The following IGSF21 variants were observed in gnomAD, a reference collection of about 807,000 sequenced individuals.
The protein encoded by IGSF21 is immunoglobulin superfamily member 21.
IGSF21 carries 28 observed loss-of-function variants against 46.8 expected under a neutral mutation model. The ratio of observed to expected loss-of-function variants is 0.60; its 90% confidence interval spans 0.44 to 0.82. The LOEUF is 0.82. Ranked by LOEUF, IGSF21 falls within the 40% of genes least tolerant of loss-of-function variation. The pLI, the probability that IGSF21 is intolerant of heterozygous loss-of-function variation, is 0.00. For synonymous variants in IGSF21, 284 were observed against 273.6 expected (o/e 1.04, Z -0.38); for missense variants, 624 against 665.5 (o/e 0.94, Z 0.69).
chr1:18,164,002 G>T (rs1234907450), intron 1 of IGSF21, among the ~76,000 whole-genome samples: 1 of 152,212 alleles, frequency 6.6e-6, no homozygotes, highest in Non-Finnish European at 1.5e-5. Context: ...GGACCACAAT[G>T]AACGTGAAAA....
intron 6 of IGSF21, among the ~76,000 whole-genome samples, chr1:18,366,222 CAG>C (rs955693529): frequency 2.0e-5 from 3 of 152,088 alleles, no homozygotes; most frequent in African/African-American, 7.2e-5. Flanking sequence ...GTGTTAAAAA[CAG>C]GGGAGGTTTT....
chr1:18,192,895 A>G (rs796975352), intron 1 of IGSF21, among the ~76,000 whole-genome samples: 5 of 152,226 alleles, frequency 3.3e-5, no homozygotes, highest in African/African-American at 1.2e-4. Flanking sequence ...CGTTTATTCG[A>G]CACATATTAA....
At chr1:18,361,172 T>A (rs954484446) in intron 4 of IGSF21, among the ~76,000 whole-genome samples, 5 of 151,972 alleles carry the variant, frequency 3.3e-5, no homozygotes, top group Non-Finnish European at 5.9e-5. Flanking sequence ...CAGCTGAAAT[T>A]CCCACTCTGT....
At chr1:18,156,070 G>A (rs966503460) in intron 1 of IGSF21, among the ~76,000 whole-genome samples, 1 of 152,200 alleles carries the variant, frequency 6.6e-6, no homozygotes, top group South Asian at 2.1e-4. Flanking sequence ...GTGGGCCAGG[G>A]CACCTCTCAC....
chr1:18,371,891 CA>C (rs1474424264), intron 6 of IGSF21, among the ~76,000 whole-genome samples: 1 of 152,212 alleles, frequency 6.6e-6, no homozygotes, highest in East Asian at 1.9e-4. Context: ...GAATCGCCCA[CA>C]AGGTAGGAAT....
intron 4 of IGSF21, among the ~76,000 whole-genome samples, chr1:18,353,134 T>C (rs1228320396): frequency 2.6e-5 from 4 of 152,008 alleles, no homozygotes; most frequent in African/African-American, 9.7e-5. Context: ...TTTGGGGGCT[T>C]TTTGTTGTTG....
At chr1:18,329,786 A>G (rs1335696308) in intron 3 of IGSF21, among the ~76,000 whole-genome samples, 1 of 152,232 alleles carries the variant, frequency 6.6e-6, no homozygotes, top group African/African-American at 2.4e-5. Flanking sequence ...AGTTTAGGGC[A>G]TGGCATACTT....
At chr1:18,218,101 G>C (rs2084470826) in intron 1 of IGSF21, among the ~76,000 whole-genome samples, 1 of 152,178 alleles carries the variant, frequency 6.6e-6, no homozygotes, top group East Asian at 1.9e-4. Context: ...AATTTATAAA[G>C]AAAAGAGGTT....
intron 2 of IGSF21, among the ~76,000 whole-genome samples, chr1:18,278,659 T>G (rs1046715315): frequency 2.6e-5 from 4 of 152,090 alleles, no homozygotes; most frequent in East Asian, 3.9e-4. Flanking sequence ...GCTCAGGAAA[T>G]CCTTCCACTG....
chr1:18,256,123 G>A (rs148559214), intron 2 of IGSF21, among the ~76,000 whole-genome samples: 11 of 152,142 alleles, frequency 7.2e-5, no homozygotes, highest in Non-Finnish European at 7.4e-5. Context: ...ATGCAATGGG[G>A]CTTCTTTCTA....
intron 2 of IGSF21, among the ~76,000 whole-genome samples, chr1:18,270,870 A>T (rs1385230984): frequency 2.0e-5 from 3 of 152,146 alleles, no homozygotes; most frequent in African/African-American, 7.2e-5. Context: ...GATTTGACAC[A>T]CTGGTAGCAT....
At chr1:18,232,174 C>T (rs1193999983) in intron 2 of IGSF21, among the ~76,000 whole-genome samples, 1 of 148,438 alleles carries the variant, frequency 6.7e-6, no homozygotes, top group African/African-American at 2.5e-5. Flanking sequence ...GTCCAGGCTT[C>T]ATCTTCACAG....
At chr1:18,161,198 C>T (rs2086618309) in intron 1 of IGSF21, among the ~76,000 whole-genome samples, 1 of 152,164 alleles carries the variant, frequency 6.6e-6, no homozygotes. Flanking sequence ...CCTTTCTCCA[C>T]AGAGTCCCTA....
At chr1:18,359,383 A>AAAGAAAGAAAGAAAGAAAGAATGG (rs1557659626) in intron 4 of IGSF21, among the ~76,000 whole-genome samples, 3 of 61,030 alleles carry the variant, frequency 4.9e-5, no homozygotes, top group African/African-American at 2.0e-4. Context: ...AGAAAGAAAG[A>AAAGAAAGAAAGAAAGAAAGAATGG]AAGGAAGGAA....
intron 1 of IGSF21, among the ~76,000 whole-genome samples, chr1:18,176,602 G>T (rs901488373): frequency 6.6e-6 from 1 of 151,798 alleles, no homozygotes; most frequent in African/African-American, 2.4e-5. Flanking sequence ...TTTTCACACT[G>T]ATGTGCCGTT....
chr1:18,239,440 G>A lies in IGSF21; in HGVS notation c.183+11430G>A, dbSNP rs144206605. On this transcript the variant is annotated intron_variant, in intron 2 of 9. Coordinates refer to ENST00000251296, the MANE Select transcript of IGSF21 (RefSeq NM_032880.5). ...TAAAACACATATCTGACCTTACCAC[G>A]ACCACCCCTCCCTGCCCCACACTTC... Among the ~76,000 whole-genome samples, 453 of 152,072 alleles carry A rather than the reference G, an allele frequency of 3.0e-3. 3 individuals carry two copies. Among genetic ancestry groups the A allele is most frequent in the African/African-American group, 9.3e-3 (384 of 41,454 alleles).
chr1:18,187,530 C>G (rs115528655), intron 1 of IGSF21, among the ~76,000 whole-genome samples: 4 of 152,084 alleles, frequency 2.6e-5, no homozygotes, highest in Admixed American at 6.6e-5. Flanking sequence ...TCAAATTTCA[C>G]GAGACTTAAT....
chr1:18,338,398 G>A (rs558908109), intron 4 of IGSF21, among the ~76,000 whole-genome samples: 2 of 152,220 alleles, frequency 1.3e-5, no homozygotes, highest in South Asian at 2.1e-4. Flanking sequence ...TGAACATTGG[G>A]GTCTCTTTTG....
At chr1:18,208,380 T>TAC (rs2084353775) in intron 1 of IGSF21, among the ~76,000 whole-genome samples, 2 of 102,518 alleles carry the variant, frequency 2.0e-5, no homozygotes, top group South Asian at 6.6e-4. Context: ...AGGAATAATA[T>TAC]ATATATATAT....
Sources: gnomAD v4.1 joint callset for allele counts (sites outside exome capture counted in the v4.1 genomes callset) on GRCh38, gnomAD v4.1.1 for gene constraint, MANE v1.5 for transcripts, NCBI Gene and HGNC (gene_info 2026-07-23, HGNC 2026-07-21) for gene names.